IGBP1: variants seen among roughly 807,000 people sequenced by gnomAD.
The protein encoded by IGBP1 is immunoglobulin binding protein 1.
IGBP1 carries 2 observed loss-of-function variants against 25.9 expected under a neutral mutation model. The ratio of observed to expected loss-of-function variants is 0.08; its 90% confidence interval spans 0.03 to 0.24. The LOEUF (loss-of-function observed/expected upper bound fraction) is 0.24, where lower values mean the gene tolerates loss of function less well. IGBP1 is among the 10% of genes least tolerant of loss of function. The pLI, the probability that IGBP1 is intolerant of heterozygous loss-of-function variation, is 1.00. For synonymous variants in IGBP1, 96 were observed against 93.4 expected (o/e 1.03, Z -0.16); for missense variants, 187 against 260.4 (o/e 0.72, Z 1.94).
intron 6 of IGBP1, among the ~76,000 whole-genome samples, chrX:70,151,045 A>G (rs1468607189): frequency 1.9e-5 from 2 of 108,037 alleles, no homozygotes; most frequent in Admixed American, 2.0e-4. Flanking sequence ...ACTGCAACCT[A>G]TGCCTCCCGG....
intron 3 of IGBP1, among the ~76,000 whole-genome samples, chrX:70,139,920 G>A (rs1256441727): frequency 1.8e-5 from 2 of 111,662 alleles, no homozygotes; most frequent in South Asian, 3.7e-4. Flanking sequence ...CACAATGACC[G>A]TCTTTCAGTT....
At chrX:70,154,856 C>A (rs1569424092) in intron 6 of IGBP1, among the ~76,000 whole-genome samples, 1 of 109,631 alleles carries the variant, frequency 9.1e-6, no homozygotes, top group Non-Finnish European at 1.9e-5. Flanking sequence ...ATTATCGTGC[C>A]CCTGCACTCC....
chrX:70,147,155 C>T (rs1214579026), intron 4 of IGBP1, among the ~76,000 whole-genome samples: 1 of 111,550 alleles, frequency 9.0e-6, no homozygotes, highest in African/African-American at 3.3e-5. Context: ...TGCTAACTGG[C>T]CACCACGGTG....
chrX:70,135,886 A>G (rs1032603884), intron 3 of IGBP1, among the ~76,000 whole-genome samples: 3 of 111,991 alleles, frequency 2.7e-5, no homozygotes, highest in Non-Finnish European at 5.6e-5. Context: ...CAGCTCGACG[A>G]CTGTGATTAA....
chrX:70,139,408 G>A (rs1195834359), intron 3 of IGBP1, among the ~76,000 whole-genome samples: 3 of 111,630 alleles, frequency 2.7e-5, no homozygotes, highest in East Asian at 5.6e-4. Context: ...TTGGCCTGCC[G>A]CTTTGAACGT....
chrX:70,138,663 A>C (rs986020177), intron 3 of IGBP1, among the ~76,000 whole-genome samples: 8 of 111,233 alleles, frequency 7.2e-5, no homozygotes, highest in Non-Finnish European at 7.5e-5. Flanking sequence ...TAAGCTAATA[A>C]ATTTGGAATG....
At chrX:70,149,228 CAAA>C (rs11360263) in intron 5 of IGBP1, among the ~76,000 whole-genome samples, 9 of 75,651 alleles carry the variant, frequency 1.2e-4, no homozygotes, top group Non-Finnish European at 9.8e-5. Flanking sequence ...GACTCCGTCT[CAAA>C]AAAAAAAAAA....
intron 6 of IGBP1, among the ~76,000 whole-genome samples, chrX:70,159,888 C>T (rs1195647319): frequency 3.6e-5 from 4 of 111,516 alleles, no homozygotes; most frequent in Admixed American, 2.8e-4. Context: ...GGCTTGGGCT[C>T]CAGGGGGTGG....
At chrX:70,147,971 C>T (rs1487673809) in intron 4 of IGBP1, among the ~76,000 whole-genome samples, 1 of 112,270 alleles carries the variant, frequency 8.9e-6, no homozygotes, top group Non-Finnish European at 1.9e-5. Flanking sequence ...TATAAGGCCC[C>T]TTGAGCATGT....
chrX:70,162,656 AG>A (rs1338738789), intron 6 of IGBP1, among the ~76,000 whole-genome samples: 2 of 112,473 alleles, frequency 1.8e-5, no homozygotes, highest in Admixed American at 1.9e-4. Flanking sequence ...AAAATTAAGA[AG>A]TTGATTTAAA....
At chrX:70,155,423 A>T (rs1211292823) in intron 6 of IGBP1, among the ~76,000 whole-genome samples, 2 of 99,848 alleles carry the variant, frequency 2.0e-5, no homozygotes, top group African/African-American at 7.7e-5. Context: ...TGAACCCAGG[A>T]GGCTGAGGTT....
At chrX:70,140,228 A>G (rs1426519581) in intron 3 of IGBP1, among the ~76,000 whole-genome samples, 2 of 112,233 alleles carry the variant, frequency 1.8e-5, no homozygotes, top group Non-Finnish European at 3.8e-5. Context: ...CTTGTTCACT[A>G]TGTTATGCCT....
intron 3 of IGBP1, among the ~76,000 whole-genome samples, chrX:70,138,067 C>G (rs966803206): frequency 9.1e-6 from 1 of 110,338 alleles, no homozygotes; most frequent in Non-Finnish European, 1.9e-5. Context: ...GCCCGGGAGT[C>G]GGAGGCTGCA....
chrX:70,160,615 C>T lies in IGBP1; in HGVS notation c.872-5218C>T, dbSNP rs754989314. Among the ~76,000 whole-genome samples the T allele has an allele frequency of 3.6e-5, 4 of 112,275 alleles. No individual in the cohort carries two copies. In the East Asian group the frequency reaches 1.1e-3, roughly 31 times the overall value. ...AATTTGCTAGAGAATGAGCTTCAGA[C>T]AGCCAAAGTGTTGAGAGACATTGAA... On this transcript the variant is annotated intron_variant, in intron 6 of 6. Transcript: ENST00000356413.
chrX:70,165,638 C>A (rs1569425640), intron 6 of IGBP1, among the ~76,000 whole-genome samples, 195 bp from the exon 7 acceptor site: 1 of 110,541 alleles, frequency 9.0e-6, no homozygotes, highest in Non-Finnish European at 1.9e-5. Flanking sequence ...AGCATCCTTT[C>A]GTACTATTTT....
intron 3 of IGBP1, among the ~76,000 whole-genome samples, chrX:70,140,859 A>G (rs1260013553): frequency 8.9e-6 from 1 of 111,997 alleles, no homozygotes; most frequent in African/African-American, 3.2e-5. Context: ...ATTTCCATAG[A>G]CACATTTACT....
chrX:70,133,986 C>G lies in IGBP1; in HGVS notation c.39C>G (p.Pro13=). The change falls in exon 2 of 7, where the codon CCC becomes CCG. Residue 13 remains proline (P), a synonymous_variant. Coordinates refer to ENST00000356413, the MANE Select transcript of IGBP1 (RefSeq NM_001551.3). The part of the protein sequence containing the change: ...AEDELQLPRL[P]ELFETGRQLL... ...ACGAGTTACAGCTGCCGCGGCTCCCCGAGCTGTTCGAAACTGGTAGACAGT... is the reference window on the plus strand; with the variant it reads ...ACGAGTTACAGCTGCCGCGGCTCCCGGAGCTGTTCGAAACTGGTAGACAGT... 1.7e-6 allele frequency: 2 copies of G among 1,211,317 alleles called. No homozygotes were observed. Among genetic ancestry groups the G allele is most frequent in the South Asian group, 1.8e-5 (1 of 56,962 alleles).
Position 70,146,838 on chromosome X carries a change from G to T in IGBP1, c.678+10G>T. ...AGACTCTTCAAGAGAGGTAAGCCTG[G>T]CCAGAGAAATCTACTGCCAGAGATT... is the stretch of plus-strand genomic sequence containing the variant. On this transcript the variant is annotated intron_variant, in intron 4 of 6. Coordinates refer to ENST00000356413, the MANE Select transcript of IGBP1 (RefSeq NM_001551.3). 8.7e-7 allele frequency: 1 copy of T among 1,150,962 alleles called. No homozygotes were observed. Among genetic ancestry groups the T allele is most frequent in the South Asian group, 1.8e-5 (1 of 55,136 alleles). 94.9% of individuals were successfully genotyped at this position (1,150,962 alleles called of 1,213,427 possible).
chrX:70,160,397 C>T (rs766263610), intron 6 of IGBP1, among the ~76,000 whole-genome samples: 150 of 111,728 alleles, frequency 1.3e-3, no homozygotes, highest in Non-Finnish European at 1.4e-3. Flanking sequence ...TTAGGTTACC[C>T]TCAGATTTTT....
Sources: gnomAD v4.1 joint callset for allele counts (sites outside exome capture counted in the v4.1 genomes callset) on GRCh38, gnomAD v4.1.1 for gene constraint, MANE v1.5 for transcripts, NCBI Gene and HGNC (gene_info 2026-07-23, HGNC 2026-07-21) for gene names.